SPOCK3: variants seen among roughly 807,000 people sequenced by gnomAD.
SPOCK3 encodes SPARC (osteonectin), cwcv and kazal like domains proteoglycan 3, also known as testican-3.
Under a neutral mutation model 56.6 loss-of-function variants are expected in SPOCK3, and 30 were observed. The ratio of observed to expected loss-of-function variants is 0.53; its 90% CI spans 0.40 to 0.72. SPOCK3 has a LOEUF of 0.72. Ranked by LOEUF, SPOCK3 falls within the 30% of genes least tolerant of loss-of-function variation. The pLI is 0.00. For missense variants in SPOCK3, 527 were observed against 530.0 expected (o/e 0.99, Z 0.06); for synonymous variants, 196 against 183.3 (o/e 1.07, Z -0.56).
chr4:167,016,570 C>A (rs1046955682), intron 3 of SPOCK3, among the ~76,000 whole-genome samples: 19 of 147,496 alleles, frequency 1.3e-4, no homozygotes, highest in African/African-American at 4.7e-4. Flanking sequence ...TTTAATTGGT[C>A]TTGCTCTGTC....
intron 3 of SPOCK3, among the ~76,000 whole-genome samples, chr4:167,041,522 T>C (rs568700695): frequency 5.7e-4 from 87 of 152,290 alleles, no homozygotes; most frequent in African/African-American, 2.0e-3. Context: ...TCCCAGTTTG[T>C]TCTTGTGTTA....
intron 4 of SPOCK3, among the ~76,000 whole-genome samples, chr4:166,966,096 G>A (rs1284223684): frequency 6.6e-6 from 1 of 152,016 alleles, no homozygotes; most frequent in African/African-American, 2.4e-5. Flanking sequence ...CATATAATAT[G>A]TATGTAGCTT....
chr4:166,908,272 TCACACACACACACA>T (rs5863846), intron 5 of SPOCK3, among the ~76,000 whole-genome samples: 6 of 138,550 alleles, frequency 4.3e-5, no homozygotes, highest in East Asian at 2.2e-4. Context: ...ATGTTATTGT[TCACACACACACACA>T]CACACACACA....
At chr4:166,998,869 AC>A (rs1748664292) in intron 4 of SPOCK3, among the ~76,000 whole-genome samples, 2 of 151,426 alleles carry the variant, frequency 1.3e-5, no homozygotes, top group African/African-American at 4.8e-5. Flanking sequence ...TTTTTATTTC[AC>A]CCCCTATATA....
intron 3 of SPOCK3, among the ~76,000 whole-genome samples, chr4:167,014,926 C>A (rs1358278994): frequency 6.6e-6 from 1 of 151,718 alleles, no homozygotes; most frequent in African/African-American, 2.4e-5. Flanking sequence ...GTAAATTATA[C>A]CTCAATGGAA....
chr4:167,043,868 G>A (rs1047041099), intron 3 of SPOCK3, among the ~76,000 whole-genome samples: 16 of 151,932 alleles, frequency 1.1e-4, no homozygotes, highest in African/African-American at 3.9e-4. Context: ...TTGCACCCAT[G>A]TTATGAGAGA....
intron 2 of SPOCK3, among the ~76,000 whole-genome samples, chr4:167,144,655 C>T (rs186803916): frequency 1.9e-3 from 289 of 149,650 alleles, no homozygotes; most frequent in Non-Finnish European, 3.3e-3. Context: ...AAAGTGGAAG[C>T]TTGTGATTTT....
At chr4:166,913,264 T>C (rs1461410580) in intron 4 of SPOCK3, among the ~76,000 whole-genome samples, 1 of 152,200 alleles carries the variant, frequency 6.6e-6, no homozygotes, top group African/African-American at 2.4e-5. Flanking sequence ...ATAACAAATC[T>C]CCTTTTGTTG....
intron 2 of SPOCK3, among the ~76,000 whole-genome samples, chr4:167,203,259 A>G (rs1733694768): frequency 6.6e-6 from 1 of 151,980 alleles, no homozygotes; most frequent in Non-Finnish European, 1.5e-5. Context: ...TTAAAGAAGC[A>G]AACCACTTCC....
rs551776830 is a variant in SPOCK3 at position 166,930,575 on chromosome 4, C to T, written c.351-17832G>A. On this transcript the variant is annotated intron_variant, in intron 4 of 10. Coordinates refer to ENST00000357545, the MANE Select transcript of SPOCK3 (RefSeq NM_001040159.2). ...ACCATAAAAATGAGAAAAAAGCAAC[C>T]TTTCATGAGGACAATACATCAAAGA... Among the ~76,000 whole-genome samples the T allele has an allele frequency of 5.9e-5, 9 of 151,764 alleles. 1 individual carries two copies. The Middle Eastern group carries it at 0.01, about 177-fold the overall frequency.
At chr4:166,798,074 T>C (rs1370623988) in intron 6 of SPOCK3, among the ~76,000 whole-genome samples, 2 of 152,194 alleles carry the variant, frequency 1.3e-5, no homozygotes, top group Non-Finnish European at 2.9e-5. Flanking sequence ...ACAAATATAC[T>C]GTGCTGCAGT....
chr4:167,083,174 G>T (rs1218466656), intron 2 of SPOCK3: 1 of 764,762 alleles, frequency 1.3e-6, no homozygotes, highest in Middle Eastern at 2.3e-4. Context: ...CAGACAAGAT[G>T]TATTGAGATA....
At chr4:167,167,644 G>C (rs372573539) in intron 2 of SPOCK3, among the ~76,000 whole-genome samples, 3 of 152,300 alleles carry the variant, frequency 2.0e-5, no homozygotes. Flanking sequence ...TGTATAGTGA[G>C]AAGGTACACC....
intron 2 of SPOCK3, among the ~76,000 whole-genome samples, chr4:167,221,627 T>C (rs1735925928): frequency 6.6e-6 from 1 of 152,106 alleles, no homozygotes; most frequent in South Asian, 2.1e-4. Flanking sequence ...GTAACCCAAT[T>C]AAAAATGGGT....
chr4:166,871,533 A>AT (rs1482764405), intron 6 of SPOCK3, among the ~76,000 whole-genome samples: 1 of 152,106 alleles, frequency 6.6e-6, no homozygotes, highest in African/African-American at 2.4e-5. Flanking sequence ...GAATAACCGT[A>AT]TATCTATTGT....
intron 5 of SPOCK3, among the ~76,000 whole-genome samples, chr4:166,892,161 T>G (rs181812772): frequency 6.6e-6 from 1 of 152,118 alleles, no homozygotes; most frequent in Admixed American, 6.6e-5. Flanking sequence ...TTATAAAAAT[T>G]TGGTTAATTC....
chr4:166,805,455 C>A (rs112314855), intron 6 of SPOCK3, among the ~76,000 whole-genome samples: 1 of 151,726 alleles, frequency 6.6e-6, no homozygotes, highest in Non-Finnish European at 1.5e-5. Flanking sequence ...TAGTCTGATA[C>A]GATTTGATAG....
intron 6 of SPOCK3, among the ~76,000 whole-genome samples, chr4:166,835,528 A>G (rs1746517377): frequency 6.6e-6 from 1 of 152,166 alleles, no homozygotes; most frequent in African/African-American, 2.4e-5. Context: ...CATCTGTATG[A>G]AACCTTCACT....
At chr4:166,901,793 G>T (rs112005653) in intron 5 of SPOCK3, among the ~76,000 whole-genome samples, 2 of 152,230 alleles carry the variant, frequency 1.3e-5, no homozygotes, top group East Asian at 3.9e-4. Context: ...ACTCTGGAGT[G>T]GGGGGTCGGA....
Sources: allele counts gnomAD v4.1 joint callset (sites outside exome capture counted in the v4.1 genomes callset), GRCh38; gene constraint gnomAD v4.1.1; transcripts MANE v1.5; gene names NCBI Gene and HGNC (gene_info 2026-07-23, HGNC 2026-07-21).